The following RSF1 variants were observed in gnomAD, a reference collection of about 807,000 sequenced individuals.
RSF1 encodes HBV pX-associated protein 8.
A neutral mutation model predicts 145.2 loss-of-function variants in RSF1; 13 were observed. The ratio of observed to expected loss-of-function variants is 0.09; its 90% CI spans 0.06 to 0.14. The LOEUF (loss-of-function observed/expected upper bound fraction) is 0.14, where lower values mean the gene tolerates loss of function less well. RSF1 is among the 10% of genes least tolerant of loss of function. RSF1 has a pLI of 1.00. For missense variants in RSF1, 1,517 were observed against 1,718.2 expected (o/e 0.88, Z 2.07); for synonymous variants, 577 against 592.6 (o/e 0.97, Z 0.38).
chr11:77,872,102 CT>C, the RSF1 span: 2 of 1,493,012 alleles, frequency 1.3e-6, no homozygotes, highest in Non-Finnish European at 1.8e-6. Context: ...TAGAGTACAC[CT>C]GCCTCATGGC....
chr11:77,813,881 T>C (rs888741166), intron 1 of RSF1, among the ~76,000 whole-genome samples: 2 of 148,490 alleles, frequency 1.3e-5, no homozygotes, highest in African/African-American at 5.0e-5. Context: ...ATTAATACAA[T>C]TTAACACATC....
At chr11:77,860,917 C>A in the RSF1 span, among the ~76,000 whole-genome samples, 1 of 152,138 alleles carries the variant, frequency 6.6e-6, no homozygotes, top group African/African-American at 2.4e-5. Context: ...CGTTCACTGT[C>A]TGTTGGGTTT....
At chr11:77,693,859 A>G (rs1960219274) in intron 7 of RSF1, among the ~76,000 whole-genome samples, 1 of 151,914 alleles carries the variant, frequency 6.6e-6, no homozygotes, top group African/African-American at 2.4e-5. Flanking sequence ...ATTTTGGTTC[A>G]CTGCAACCTC....
intron 1 of RSF1, among the ~76,000 whole-genome samples, chr11:77,777,629 TTCCTTTTAAAGGTTCAGGAAAGC>T (rs1242871154): frequency 6.6e-6 from 1 of 152,018 alleles, no homozygotes; most frequent in African/African-American, 2.4e-5. Flanking sequence ...AAAGTAATAC[TTCCTTTTAAAGGTTCAGGAAAGC>T]TGAGACCTTA....
At position 77,811,338 on chromosome 11, in the gene RSF1, A is replaced by G. The variant is rs141084402; in HGVS notation, c.187+9190T>C. Among the ~76,000 whole-genome samples the G allele has an allele frequency of 6.1e-4, 93 of 152,354 alleles. 2 individuals carry two copies. In the East Asian group the frequency reaches 0.012, roughly 20 times the overall value. ...CACAAACATTTACTACATATTTGCT[A>G]TTACCCACCAATTGCTGGTGATAAA... On this transcript the variant is annotated intron_variant, in intron 1 of 15. Transcript: ENST00000308488.
intron 1 of RSF1, among the ~76,000 whole-genome samples, chr11:77,787,053 G>T (rs1359725305): frequency 6.6e-6 from 1 of 152,182 alleles, no homozygotes. Context: ...TCAGAGAAGA[G>T]AGCTGCAGAG....
intron 1 of RSF1, among the ~76,000 whole-genome samples, chr11:77,809,561 G>A (rs1475842908): frequency 1.3e-5 from 2 of 152,114 alleles, no homozygotes; most frequent in African/African-American, 4.8e-5. Flanking sequence ...AGATAGCAAG[G>A]AGAAACCAGT....
At chr11:77,674,015 G>A (rs1329294975) in intron 14 of RSF1, among the ~76,000 whole-genome samples, 2 of 152,128 alleles carry the variant, frequency 1.3e-5, no homozygotes, top group Non-Finnish European at 2.9e-5. Context: ...ATAATATGGA[G>A]ATACTTGTTA....
intron 8 of RSF1, among the ~76,000 whole-genome samples, chr11:77,691,471 C>T (rs747743915): frequency 5.3e-5 from 8 of 152,098 alleles, no homozygotes; most frequent in Non-Finnish European, 7.4e-5. Flanking sequence ...CCAAAAGAAA[C>T]GGATTCTGTG....
chr11:77,774,614 A>G (rs1565176428), intron 1 of RSF1, among the ~76,000 whole-genome samples: 1 of 142,482 alleles, frequency 7.0e-6, no homozygotes, highest in Admixed American at 7.0e-5. Flanking sequence ...ATAAATAAAT[A>G]AATAAAATAA....
At chr11:77,763,613 C>G (rs548556100) in intron 2 of RSF1, 1 of 152,196 alleles carries the variant, frequency 6.6e-6, no homozygotes, top group East Asian at 1.9e-4. Flanking sequence ...GCGCCTGGTA[C>G]ATAATGAACA....
At position 77,680,727 on chromosome 11, in the gene RSF1, A is replaced by G. The variant is rs73506741; in HGVS notation, c.3066-2574T>C. 1.9e-3 allele frequency among the ~76,000 whole-genome samples: 287 copies of G among 152,354 alleles called. 2 individuals are homozygous for G. The highest frequency in any genetic ancestry group is 6.8e-3 in the Middle Eastern group (2 of 294). On this transcript the variant is annotated intron_variant, in intron 11 of 15. Transcript: ENST00000308488. ...CTTACAGATGTATCATATTTAGTTA[A>G]AACAGTTTATTTCCAATTTTTCACA...
At chr11:77,691,745 T>C (rs1281205106) in intron 8 of RSF1, 1 of 152,352 alleles carries the variant, frequency 6.6e-6, no homozygotes, top group East Asian at 1.9e-4. Flanking sequence ...CACTTGACTA[T>C]CCTTAAAAAA....
chr11:77,670,832 C>T lies in RSF1; in HGVS notation c.3751+1210G>A, dbSNP rs148410964. Among the ~76,000 whole-genome samples, 113 of 151,788 alleles carry T rather than the reference C, an allele frequency of 7.4e-4. 1 individual carries two copies. Among genetic ancestry groups the T allele is most frequent in the Admixed American group, 5.5e-3 (84 of 15,220 alleles). On this transcript the variant is annotated intron_variant, in intron 15 of 15. Coordinates refer to ENST00000308488, the MANE Select transcript of RSF1 (RefSeq NM_016578.4). The stretch of plus-strand genomic sequence containing the variant: ...CTTCAAAACAGGCCATAAAGCCGGG[C>T]GCGGTGGCTCACGCCTGTAATCCCA...
chr11:77,838,806 C>T, the RSF1 span, among the ~76,000 whole-genome samples: 15 of 151,890 alleles, frequency 9.9e-5, no homozygotes, highest in Middle Eastern at 3.4e-3. Flanking sequence ...TTAGTAGAGA[C>T]GGAGTTTCAC....
Position 77,740,676 on chromosome 11 carries a change from G to A in RSF1, c.578+55C>T, listed in dbSNP as rs566548508. The A allele has an allele frequency of 3.5e-5, 52 of 1,494,568 alleles. No homozygotes were observed. In the South Asian group the frequency reaches 4.2e-4, roughly 12 times the overall value. The allele number at this position is 1,494,568 out of a possible 1,614,324, so 92.6% of individuals were successfully genotyped here. A position where few individuals can be genotyped will look rare whatever the true frequency, so the allele number is the denominator to read the frequency against. ...ATAGATAACATCCTAGTTTTGAAACGAGATCAATGTACAAAACACACAAAT... is the reference window on the plus strand; with the variant it reads ...ATAGATAACATCCTAGTTTTGAAACAAGATCAATGTACAAAACACACAAAT... On this transcript the variant is annotated intron_variant, in intron 4 of 15. Transcript: ENST00000308488.
chr11:77,787,471 C>T (rs958061498), intron 1 of RSF1, among the ~76,000 whole-genome samples: 6 of 152,082 alleles, frequency 3.9e-5, no homozygotes, highest in African/African-American at 1.4e-4. Context: ...CATGTTTATT[C>T]ATTTAAATAC....
intron 1 of RSF1, among the ~76,000 whole-genome samples, chr11:77,802,883 T>C (rs1412483755): frequency 6.6e-6 from 1 of 152,042 alleles, no homozygotes; most frequent in Non-Finnish European, 1.5e-5. Flanking sequence ...CTTTCAACAA[T>C]GTACTAGCAA....
intron 1 of RSF1, among the ~76,000 whole-genome samples, chr11:77,780,723 G>C (rs766084297): frequency 9.9e-5 from 15 of 151,202 alleles, no homozygotes; most frequent in Non-Finnish European, 2.1e-4. Flanking sequence ...TACTCGGGAG[G>C]CTGAAGCAGG....
Sources: allele counts gnomAD v4.1 joint callset (sites outside exome capture counted in the v4.1 genomes callset), GRCh38; gene constraint gnomAD v4.1.1; transcripts MANE v1.5; gene names NCBI Gene and HGNC (gene_info 2026-07-23, HGNC 2026-07-21).